Variants in COL8A1 observed in about 807,000 individuals in gnomAD.
COL8A1 encodes the protein collagen type VIII alpha 1 chain.
A neutral mutation model predicts 42.7 loss-of-function variants in COL8A1; 21 were observed. The observed-to-expected ratio is 0.49, with a 90% CI of 0.35 to 0.71. COL8A1 has a LOEUF of 0.71. Ranked by LOEUF, COL8A1 falls within the 30% of genes least tolerant of loss-of-function variation. The probability of loss-of-function intolerance (pLI) is 0.01; values close to 1 mark genes in which losing one functional copy is unlikely to be tolerated. For synonymous variants in COL8A1, 367 were observed against 369.1 expected (o/e 0.99, Z 0.06); for missense variants, 788 against 962.4 (o/e 0.82, Z 2.40).
chr3:99,787,283 A>C (rs1269744210), intron 2 of COL8A1, among the ~76,000 whole-genome samples: 1 of 152,172 alleles, frequency 6.6e-6, no homozygotes, highest in Non-Finnish European at 1.5e-5. Context: ...CCCTGCTCAA[A>C]TATAGGAAGC....
In COL8A1 at chr3:99,795,461, G is replaced by A. The variant is rs1942085158; in HGVS notation, c.1560G>A (p.Glu520=). ...CTGGGATTCCAGGCCCCAAAGGGGA[G>A]CCGGGCCTCCCAGGGCCCCCTGGGT... ...GPPGIPGPKG[E]PGLPGPPGFP... is the part of the protein sequence containing the mutation. The change falls in exon 4 of 4, where the codon GAG becomes GAA. Residue 520 remains glutamate, a synonymous_variant. Transcript: ENST00000652472. The A allele has an allele frequency of 2.0e-6, 3 of 1,525,390 alleles. No individual in the cohort carries two copies. The highest frequency in any genetic ancestry group is 2.6e-6 in the Non-Finnish European group (3 of 1,134,580). 94.5% of individuals were successfully genotyped at this position (1,525,390 alleles called of 1,614,324 possible).
At chr3:99,657,938 C>T (rs1253299551) in intron 1 of COL8A1, among the ~76,000 whole-genome samples, 1 of 152,020 alleles carries the variant, frequency 6.6e-6, no homozygotes, top group Non-Finnish European at 1.5e-5. Context: ...GACAGCCTGA[C>T]CAACATGGTG....
chr3:99,728,422 T>C (rs1940402064), intron 1 of COL8A1, among the ~76,000 whole-genome samples: 2 of 151,996 alleles, frequency 1.3e-5, no homozygotes, highest in Non-Finnish European at 2.9e-5. Context: ...ATTATGGTTG[T>C]TCTGCAGGGC....
chr3:99,664,902 C>A (rs558257009), intron 1 of COL8A1, among the ~76,000 whole-genome samples: 1 of 152,118 alleles, frequency 6.6e-6, no homozygotes, highest in South Asian at 2.1e-4. Context: ...GGGAGGAGTG[C>A]GCCTCTCCAC....
chr3:99,688,716 G>T (rs1231852312), intron 1 of COL8A1, among the ~76,000 whole-genome samples: 1 of 152,108 alleles, frequency 6.6e-6, no homozygotes, highest in African/African-American at 2.4e-5. Flanking sequence ...TAATGCATTG[G>T]CAGCATTAAA....
intron 1 of COL8A1, among the ~76,000 whole-genome samples, chr3:99,647,447 T>C (rs770479750): frequency 3.9e-5 from 6 of 152,076 alleles, no homozygotes; most frequent in Non-Finnish European, 8.8e-5. Flanking sequence ...ATTACAATAA[T>C]AGCAAGAATG....
At chr3:99,765,638 C>T (rs937645558) in intron 2 of COL8A1, among the ~76,000 whole-genome samples, 1 of 152,158 alleles carries the variant, frequency 6.6e-6, no homozygotes, top group South Asian at 2.1e-4. Flanking sequence ...TTCTAGTTTA[C>T]ATCATTAGGA....
At chr3:99,696,976 A>ATT (rs34865022) in intron 1 of COL8A1, among the ~76,000 whole-genome samples, 3,817 of 88,032 alleles carry the variant, frequency 0.043, 398 homozygotes, top group Non-Finnish European at 0.064. Flanking sequence ...ATATACACAA[A>ATT]TTTTTTTTTT....
At chr3:99,650,699 G>A (rs564801543) in intron 1 of COL8A1, among the ~76,000 whole-genome samples, 19 of 152,286 alleles carry the variant, frequency 1.2e-4, no homozygotes, top group Admixed American at 5.2e-4. Flanking sequence ...CTCCCAAAGT[G>A]CTAGGACTAC....
intron 1 of COL8A1, among the ~76,000 whole-genome samples, chr3:99,654,937 G>A (rs184912172): frequency 1.1e-3 from 160 of 152,156 alleles, no homozygotes; most frequent in African/African-American, 3.7e-3. Flanking sequence ...TGTTTGGTTA[G>A]GACTTCCATG....
At chr3:99,657,760 C>T (rs559157816) in intron 1 of COL8A1, among the ~76,000 whole-genome samples, 1 of 152,102 alleles carries the variant, frequency 6.6e-6, no homozygotes, top group African/African-American at 2.4e-5. Flanking sequence ...AGACTTTACT[C>T]TTAATTGTTT....
chr3:99,743,533 T>C (rs1559624929), intron 1 of COL8A1, among the ~76,000 whole-genome samples: 1 of 152,212 alleles, frequency 6.6e-6, no homozygotes. Flanking sequence ...CCTCATTTTG[T>C]GTTGAGTACC....
In COL8A1 at chr3:99,710,284, C is replaced by A. The variant is rs1164858561; in HGVS notation, c.-128-34613C>A. Among the ~76,000 whole-genome samples, 3 of 152,074 alleles carry A rather than the reference C, an allele frequency of 2.0e-5. No homozygotes were observed. The East Asian group carries it at 5.8e-4, about 29-fold the overall frequency. ...CACCAAATATTCTCTTTGCCCCACCCACAAAGGAAATGGCATCATGGGGAG... is the reference window on the plus strand; with the variant it reads ...CACCAAATATTCTCTTTGCCCCACCAACAAAGGAAATGGCATCATGGGGAG... On this transcript the variant is annotated intron_variant, in intron 1 of 3. Coordinates refer to ENST00000652472, the MANE Select transcript of COL8A1 (RefSeq NM_020351.4).
At position 99,779,770 on chromosome 3, in the gene COL8A1, T is replaced by C. The variant is rs1015229484; in HGVS notation, c.-3-10910T>C. Among the ~76,000 whole-genome samples, 6 of 152,312 alleles carry C rather than the reference T, an allele frequency of 3.9e-5. No individual in the cohort carries two copies. The South Asian group carries it at 1.0e-3, about 26-fold the overall frequency. On this transcript the variant is annotated intron_variant, in intron 2 of 3. Coordinates refer to ENST00000652472, the MANE Select transcript of COL8A1 (RefSeq NM_020351.4). ...TTGCAATGAGAAGTCTTAAATTGCATACTCAGACTGGGGATTTAGAAAAAT... is the reference window on the plus strand; with the variant it reads ...TTGCAATGAGAAGTCTTAAATTGCACACTCAGACTGGGGATTTAGAAAAAT...
At chr3:99,669,151 G>GAGAGAGAGAGAGA (rs1559773186) in intron 1 of COL8A1, among the ~76,000 whole-genome samples, 1 of 114,058 alleles carries the variant, frequency 8.8e-6, no homozygotes, top group Admixed American at 9.3e-5. Context: ...ATATATAGAG[G>GAGAGAGAGAGAGA]GAGAGAGAGA....
chr3:99,790,180 G>A (rs1055395087), intron 2 of COL8A1, among the ~76,000 whole-genome samples: 3 of 152,152 alleles, frequency 2.0e-5, no homozygotes, highest in South Asian at 2.1e-4. Context: ...CACTGCATTC[G>A]CCTCATGGTC....
chr3:99,669,012 C>A (rs576586905), intron 1 of COL8A1, among the ~76,000 whole-genome samples: 28 of 151,502 alleles, frequency 1.8e-4, no homozygotes, highest in African/African-American at 5.8e-4. Flanking sequence ...GGGTCCCTCA[C>A]AAGGCTGCAA....
chr3:99,701,741 G>A (rs1357400551), intron 1 of COL8A1, among the ~76,000 whole-genome samples: 1 of 152,170 alleles, frequency 6.6e-6, no homozygotes, highest in African/African-American at 2.4e-5. Flanking sequence ...AGATCTGGAA[G>A]ATCATCCTCC....
intron 1 of COL8A1, among the ~76,000 whole-genome samples, chr3:99,693,671 A>T (rs1321628103): frequency 1.3e-5 from 2 of 152,260 alleles, no homozygotes; most frequent in African/African-American, 4.8e-5. Flanking sequence ...AAAGACTCAA[A>T]ACGTTAAAAA....
Sources: allele counts gnomAD v4.1 joint callset (sites outside exome capture counted in the v4.1 genomes callset), GRCh38; gene constraint gnomAD v4.1.1; transcripts MANE v1.5; gene names NCBI Gene and HGNC (gene_info 2026-07-23, HGNC 2026-07-21).